ESRRG: variants seen among roughly 807,000 people sequenced by gnomAD.
ESRRG encodes the protein estrogen-related receptor gamma.
ESRRG carries 13 observed loss-of-function variants against 44.0 expected under a neutral mutation model. That is an observed-to-expected ratio of 0.30 (90% CI 0.19 to 0.47). The LOEUF is 0.47. Among genes scored for constraint, ESRRG ranks in the 20% least tolerant of loss-of-function variants. ESRRG has a pLI of 1.00. For synonymous variants in ESRRG, 215 were observed against 214.6 expected (o/e 1.00, Z -0.02); for missense variants, 395 against 580.6 (o/e 0.68, Z 3.29).
Position 216,507,093 on chromosome 1 carries a change from A to G in ESRRG, c.1223T>C (p.Met408Thr), listed in dbSNP as rs2041376961. Residue 408 changes from methionine to threonine, a missense_variant, in exon 7 of 7, where the codon ATG (methionine) becomes ACG (threonine). Around this residue, in one of 5 missense-constraint regions of ESRRG, gnomAD observed 167 missense variants for 251.8 expected, o/e 0.66. Transcript: ENST00000408911. ...ALQDYEAGQH[M>T]EDPRRAGKML... ...CTTGCCAGCTCGACGAGGGTCTTCCATGTGCTGGCCAGCTTCATAATCCTG... is the reference window on the plus strand; with the variant it reads ...CTTGCCAGCTCGACGAGGGTCTTCCGTGTGCTGGCCAGCTTCATAATCCTG... The G allele has an allele frequency of 1.2e-6, 2 of 1,614,096 alleles. No individual in the cohort carries two copies. The highest frequency in any genetic ancestry group is 1.1e-5 in the South Asian group (1 of 91,076).
intron 2 of ESRRG, among the ~76,000 whole-genome samples, chr1:216,874,864 C>T (rs544153923): frequency 3.9e-5 from 6 of 152,306 alleles, no homozygotes; most frequent in African/African-American, 1.4e-4. Context: ...TGGCCTTCAT[C>T]TTTCTCCCAT....
At chr1:216,992,680 G>A (rs550752292) in intron 1 of ESRRG, among the ~76,000 whole-genome samples, 2 of 152,214 alleles carry the variant, frequency 1.3e-5, no homozygotes, top group Admixed American at 1.3e-4. Flanking sequence ...TGTAAACATA[G>A]ATATCAAATT....
At chr1:216,869,358 A>C (rs911994220) in intron 2 of ESRRG, among the ~76,000 whole-genome samples, 1 of 152,128 alleles carries the variant, frequency 6.6e-6, no homozygotes, top group Non-Finnish European at 1.5e-5. Context: ...TCAAAAAATA[A>C]TTGGTCATAT....
chr1:217,081,446 C>T (rs1299229643), intron 1 of ESRRG, among the ~76,000 whole-genome samples: 1 of 151,804 alleles, frequency 6.6e-6, no homozygotes, highest in East Asian at 1.9e-4. Flanking sequence ...AGGCTGGTCT[C>T]GAACTCCCGA....
intron 1 of ESRRG, among the ~76,000 whole-genome samples, chr1:216,955,949 C>A (rs1474075465): frequency 6.6e-6 from 1 of 151,842 alleles, no homozygotes; most frequent in Non-Finnish European, 1.5e-5. Flanking sequence ...GATATTGGTC[C>A]CTTGTCACAG....
intron 1 of ESRRG, chr1:216,715,263 G>C (rs2084597809): frequency 5.1e-6 from 5 of 984,574 alleles, no homozygotes; most frequent in Non-Finnish European, 6.0e-6. Flanking sequence ...TGGATAAAAG[G>C]GATGTTTCCG....
At chr1:217,065,590 C>G (rs2089496697) in intron 1 of ESRRG, among the ~76,000 whole-genome samples, 1 of 152,124 alleles carries the variant, frequency 6.6e-6, no homozygotes, top group Non-Finnish European at 1.5e-5. Flanking sequence ...AGGTGACAGC[C>G]ACAGGTGGGA....
rs139713295 is a variant in ESRRG at position 217,114,001 on chromosome 1, A to C, written c.-230+23666T>G. ...GAAACAGAGTTAGACCATGTTTCTA[A>C]AAGAAAAAAAAAAGGAAATTGGACT... On this transcript the variant is annotated intron_variant, in intron 1 of 8. Coordinates refer to the ESRRG transcript ENST00000366940. Among the ~76,000 whole-genome samples the C allele has an allele frequency of 4.1e-3, 624 of 152,134 alleles. 2 individuals are homozygous for C. The highest frequency in any genetic ancestry group is 5.2e-3 in the Non-Finnish European group (354 of 67,998).
chr1:216,908,889 T>C (rs2059991726), intron 2 of ESRRG, among the ~76,000 whole-genome samples: 1 of 151,416 alleles, frequency 6.6e-6, no homozygotes, highest in Admixed American at 6.6e-5. Flanking sequence ...TAAATTTGGG[T>C]TTAGGGAACA....
chr1:216,770,455 C>G, intron 2 of ESRRG, among the ~76,000 whole-genome samples: 1 of 152,050 alleles, frequency 6.6e-6, no homozygotes, highest in Non-Finnish European at 1.5e-5. Flanking sequence ...TGAGCCAAGG[C>G]CTTTTAGCAT....
At position 216,849,220 on chromosome 1, in the gene ESRRG, C is replaced by A. The variant is rs116944357; in HGVS notation, c.-14+90362G>T. Reference sequence around the variant, plus strand: ...GAAAAGGAGTCAGGGTGAACTAATTCATTGTTTACACTCAGAATCCTAGGT... The same window carrying A: ...GAAAAGGAGTCAGGGTGAACTAATTAATTGTTTACACTCAGAATCCTAGGT... On this transcript the variant is annotated intron_variant, in intron 2 of 7. Coordinates refer to the ESRRG transcript ENST00000359162. Among the ~76,000 whole-genome samples, 555 of 152,162 alleles carry A rather than the reference C, an allele frequency of 3.6e-3. 9 individuals carry two copies. In the East Asian group the frequency reaches 0.042, roughly 12 times the overall value.
At chr1:216,812,778 G>T (rs935434923) in intron 2 of ESRRG, among the ~76,000 whole-genome samples, 9 of 151,962 alleles carry the variant, frequency 5.9e-5, no homozygotes, top group African/African-American at 2.2e-4. Flanking sequence ...CCTTACTGAT[G>T]GTATAGTACA....
At chr1:216,847,173 G>A (rs544242082) in intron 2 of ESRRG, among the ~76,000 whole-genome samples, 24 of 152,036 alleles carry the variant, frequency 1.6e-4, no homozygotes, top group East Asian at 3.9e-4. Flanking sequence ...AAGGTCTGCC[G>A]TGCACAATTT....
chr1:217,079,090 G>C (rs976946645), intron 1 of ESRRG, among the ~76,000 whole-genome samples: 2 of 152,132 alleles, frequency 1.3e-5, no homozygotes, highest in African/African-American at 4.8e-5. Flanking sequence ...GAAAATTCTA[G>C]ACCTTACCAA....
intron 3 of ESRRG, among the ~76,000 whole-genome samples, chr1:216,641,420 G>T (rs1204154994): frequency 1.3e-5 from 2 of 152,282 alleles, no homozygotes; most frequent in African/African-American, 2.4e-5. Flanking sequence ...TAAAACATTA[G>T]AACTTCAATT....
intron 1 of ESRRG, among the ~76,000 whole-genome samples, chr1:217,007,579 A>T (rs2077930431): frequency 6.6e-6 from 1 of 152,180 alleles, no homozygotes; most frequent in Non-Finnish European, 1.5e-5. Flanking sequence ...AATAAACTTC[A>T]GTCTTGTAAA....
chr1:216,971,407 G>T (rs2071629475), intron 1 of ESRRG, among the ~76,000 whole-genome samples: 1 of 152,148 alleles, frequency 6.6e-6, no homozygotes, highest in African/African-American at 2.4e-5. Context: ...ACACGTATTG[G>T]AAATGCGTGT....
intron 2 of ESRRG, among the ~76,000 whole-genome samples, chr1:216,652,038 C>T (rs554990579): frequency 1.1e-4 from 17 of 152,094 alleles, no homozygotes; most frequent in Non-Finnish European, 2.1e-4. Context: ...GAAGGTCTTT[C>T]GTTACTTCCT....
chr1:216,910,666 G>A (rs1047034653), intron 2 of ESRRG, among the ~76,000 whole-genome samples: 1 of 152,122 alleles, frequency 6.6e-6, no homozygotes, highest in Non-Finnish European at 1.5e-5. Context: ...TCAGGAAATG[G>A]GGCCGACAAT....
Sources: gnomAD v4.1 joint callset for allele counts (sites outside exome capture counted in the v4.1 genomes callset) on GRCh38, gnomAD v4.1.1 for gene constraint, gnomAD v4.1.1 regional missense constraint, MANE v1.5 for transcripts, NCBI Gene and HGNC (gene_info 2026-07-23, HGNC 2026-07-21) for gene names.